The following PROS1 variants were observed in gnomAD, a reference collection of about 807,000 sequenced individuals.
PROS1 encodes vitamin K-dependent protein S.
Under a neutral mutation model 75.9 loss-of-function variants are expected in PROS1, and 29 were observed. That is an observed-to-expected ratio of 0.38 (90% confidence interval 0.28 to 0.52). PROS1 has a LOEUF of 0.52. Among genes scored for constraint, PROS1 ranks in the 20% least tolerant of loss-of-function variants. PROS1 has a pLI of 0.83. For missense variants in PROS1, 680 were observed against 810.3 expected (o/e 0.84, Z 1.95); for synonymous variants, 245 against 280.6 (o/e 0.87, Z 1.27).
Position 93,893,214 on chromosome 3 carries a change from A to T in PROS1, c.966-92T>A. ...TTTTCTTGTACTGACAAACAGTAAC[A>T]CAGACAAAGAGTCAATTATTTATTT... On this transcript the variant is annotated intron_variant, in intron 9 of 14. Transcript: ENST00000394236. 2.7e-6 allele frequency: 3 copies of T among 1,121,144 alleles called. No homozygotes were observed. The South Asian group carries it at 4.0e-5, about 15-fold the overall frequency. 69.4% of individuals were successfully genotyped at this position (1,121,144 alleles called of 1,614,324 possible).
At chr3:93,963,705 G>C (rs1709743110) in intron 1 of PROS1, among the ~76,000 whole-genome samples, 1 of 149,152 alleles carries the variant, frequency 6.7e-6, no homozygotes, top group Non-Finnish European at 1.5e-5. Context: ...GAGCTAGAAG[G>C]AGAGGTCCCA....
In PROS1 at chr3:93,912,613, C is replaced by T. The variant is rs76574714; in HGVS notation, c.260-1908G>A. ...TGTTGCTATAACAAAATACCACAGA[C>T]GGGCTAATTTATTAAAGAAAGAAAT... On this transcript the variant is annotated intron_variant, in intron 3 of 14. Coordinates refer to ENST00000394236, the MANE Select transcript of PROS1 (RefSeq NM_000313.4). Among the ~76,000 whole-genome samples, 156 of 152,136 alleles carry T rather than the reference C, an allele frequency of 1.0e-3. No homozygotes were observed. The East Asian group carries it at 0.017, about 16-fold the overall frequency.
intron 3 of PROS1, among the ~76,000 whole-genome samples, chr3:93,915,617 C>T (rs557445574): frequency 2.6e-5 from 4 of 152,332 alleles, no homozygotes; most frequent in African/African-American, 7.2e-5. Context: ...TTCTTTGCTA[C>T]CTTGTAACAA....
At chr3:93,920,099 C>T (rs539855375) in intron 3 of PROS1, among the ~76,000 whole-genome samples, 1 of 152,104 alleles carries the variant, frequency 6.6e-6, no homozygotes, top group Non-Finnish European at 1.5e-5. Context: ...TTGCTCTGAA[C>T]ATATAAATTT....
At chr3:93,973,511 G>C in intron 1 of PROS1, 163 bp downstream of exon 1, 1 of 714,104 alleles carries the variant, frequency 1.4e-6, no homozygotes, top group South Asian at 1.7e-5. Flanking sequence ...CCATTGCACT[G>C]CCTGCTCTAT....
At chr3:93,905,407 G>C (rs1708657499) in intron 6 of PROS1, among the ~76,000 whole-genome samples, 1 of 152,116 alleles carries the variant, frequency 6.6e-6, no homozygotes, top group Non-Finnish European at 1.5e-5. Flanking sequence ...TTCAAGATCA[G>C]TTTGGGCAAC....
intron 11 of PROS1, among the ~76,000 whole-genome samples, chr3:93,885,936 TTGAC>T (rs778981819): frequency 3.8e-4 from 58 of 152,318 alleles, no homozygotes; most frequent in South Asian, 6.2e-4. Context: ...AGAAAGTCCT[TTGAC>T]TGGCTTTTAC....
intron 1 of PROS1, among the ~76,000 whole-genome samples, chr3:93,928,040 A>T (rs1709053939): frequency 1.0e-5 from 1 of 99,682 alleles, no homozygotes; most frequent in Non-Finnish European, 1.8e-5. Context: ...TTTGAGACGG[A>T]GTCTCGCTCT....
intron 3 of PROS1, among the ~76,000 whole-genome samples, chr3:93,914,565 C>T (rs1708811069): frequency 6.6e-6 from 1 of 152,188 alleles, no homozygotes; most frequent in Admixed American, 6.5e-5. Flanking sequence ...CAAGGTCTTG[C>T]TCTGGGCCAG....
rs1330568661 is a variant in PROS1 at position 93,873,631 on chromosome 3, G to GGA, written c.*613_*614insTC. On this transcript the variant is annotated 3_prime_UTR_variant, in exon 15 of 15. Transcript: ENST00000394236. The stretch of plus-strand genomic sequence containing the variant: ...CTGCCAAGAAGAAGATTCCTGTGCT[G>GGA]CTCTCAGGAAAATATGTCCCACTTG... 6.5e-6 allele frequency: 1 copy of GGA among 152,932 alleles called. No individual in the cohort carries two copies. Among genetic ancestry groups the GGA allele is most frequent in the African/African-American group, 2.4e-5 (1 of 41,414 alleles). The allele number at this position is 152,932 out of a possible 1,614,324, so 9.5% of individuals were successfully genotyped here.
rs1463584243 is a variant in PROS1 at position 93,949,216 on chromosome 3, C to A, written c.77-21809G>T. Among the ~76,000 whole-genome samples, 3 of 152,268 alleles carry A rather than the reference C, an allele frequency of 2.0e-5. 1 individual carries two copies. The South Asian group carries it at 6.2e-4, about 32-fold the overall frequency. On this transcript the variant is annotated intron_variant, in intron 1 of 14. Transcript: ENST00000394236. ...GCAGACAATATTAGGCAGTGCCACACCACAATAGGAACCTTAATATATTGA... is the reference window on the plus strand; with the variant it reads ...GCAGACAATATTAGGCAGTGCCACAACACAATAGGAACCTTAATATATTGA...
intron 4 of PROS1, 27 bp from the exon 5 acceptor site, chr3:93,906,170 T>TG: frequency 1.2e-6 from 2 of 1,611,040 alleles, no homozygotes; most frequent in Non-Finnish European, 1.7e-6. Context: ...TCTATTTATT[T>TG]TTTTTATCTC....
At chr3:93,920,141 T>C (rs7616142) in intron 3 of PROS1, among the ~76,000 whole-genome samples, 12,352 of 152,160 alleles carry the variant, frequency 0.081, 632 homozygotes, top group Middle Eastern at 0.2. Context: ...CTCACACCTA[T>C]AACCCCAGCA....
At chr3:93,910,562 G>T in intron 4 of PROS1, 57 bp downstream of exon 4, 1 of 1,374,412 alleles carries the variant, frequency 7.3e-7, no homozygotes, top group Non-Finnish European at 1.0e-6. Flanking sequence ...TACCATGGGT[G>T]TACTTTACCT....
chr3:93,938,651 T>A (rs1709228714), intron 1 of PROS1, among the ~76,000 whole-genome samples: 1 of 152,174 alleles, frequency 6.6e-6, no homozygotes, highest in African/African-American at 2.4e-5. Flanking sequence ...TCTCTCGCTA[T>A]CCTTCAATCT....
Position 93,879,454 on chromosome 3 carries a change from T to A in PROS1, c.1493-140A>T. On this transcript the variant is annotated intron_variant, in intron 12 of 14. Coordinates refer to ENST00000394236, the MANE Select transcript of PROS1 (RefSeq NM_000313.4). ...CCATTCCCTTTCTCAATGATCTATA[T>A]AACCTAGGCAAAACAAAACAAACTT... is the stretch of plus-strand genomic sequence containing the variant. 4.1e-6 allele frequency: 5 copies of A among 1,223,966 alleles called. No homozygotes were observed. In the South Asian group the frequency reaches 6.6e-5, roughly 16 times the overall value. The allele number at this position is 1,223,966 out of a possible 1,614,324, so 75.8% of individuals were successfully genotyped here. A position where few individuals can be genotyped will look rare whatever the true frequency, so the allele number is the denominator to read the frequency against.
intron 3 of PROS1, among the ~76,000 whole-genome samples, chr3:93,922,576 T>C (rs1238142922): frequency 6.6e-6 from 1 of 152,192 alleles, no homozygotes; most frequent in Non-Finnish European, 1.5e-5. Context: ...GCCCCAAATA[T>C]ATGGGTTACA....
At chr3:93,949,102 G>A (rs1231777391) in intron 1 of PROS1, among the ~76,000 whole-genome samples, 11 of 152,178 alleles carry the variant, frequency 7.2e-5, no homozygotes, top group Non-Finnish European at 1.5e-4. Context: ...CACTCACTAA[G>A]CAGGAGATTC....
At chr3:93,886,851 T>C (rs1163476839) in intron 10 of PROS1, among the ~76,000 whole-genome samples, 1 of 151,908 alleles carries the variant, frequency 6.6e-6, no homozygotes, top group African/African-American at 2.4e-5. Flanking sequence ...AAAATTTAAG[T>C]GGCCTTATTT....
Sources: allele counts gnomAD v4.1 joint callset (sites outside exome capture counted in the v4.1 genomes callset), GRCh38; gene constraint gnomAD v4.1.1; transcripts MANE v1.5; gene names NCBI Gene and HGNC (gene_info 2026-07-23, HGNC 2026-07-21).